Variants in GALNT15 observed in about 807,000 individuals in gnomAD.
The protein encoded by GALNT15 is polypeptide N-acetylgalactosaminyltransferase 15.
In GALNT15, 67 loss-of-function variants were observed where a neutral mutation model predicts 66.8. The observed-to-expected ratio is 1.00, with a 90% CI of 0.82 to 1.23. The LOEUF (loss-of-function observed/expected upper bound fraction) is 1.23. Among genes scored for constraint, GALNT15 ranks in the 50% most tolerant of loss-of-function variants. GALNT15 has a pLI of 0.00. For synonymous variants in GALNT15, 313 were observed against 311.5 expected (o/e 1.00, Z -0.05); for missense variants, 827 against 804.3 (o/e 1.03, Z -0.34).
At chr3:16,234,923 CT>C (rs1203363973), downstream of GALNT15, among the ~76,000 whole-genome samples, 4,647 of 131,096 alleles carry the variant, frequency 0.035, 199 homozygotes, top group African/African-American at 0.12. Context: ...TTATCCCAAT[CT>C]TTTTTTTTTT....
chr3:16,222,692 G>A lies in GALNT15; in HGVS notation c.1707G>A (p.Gln569=). The A allele has an allele frequency of 6.2e-7, 1 of 1,614,264 alleles. No individual in the cohort carries two copies. Among genetic ancestry groups the A allele is most frequent in the Non-Finnish European group, 8.5e-7 (1 of 1,180,044 alleles). ...QHLCFAVRQE[Q]VILQNCTEEG... ...TGTGCTTTGCTGTCAGGCAGGAGCAGGTGATTCTTCAGAACTGCACGGAGG... is the reference window on the plus strand; with the variant it reads ...TGTGCTTTGCTGTCAGGCAGGAGCAAGTGATTCTTCAGAACTGCACGGAGG... Residue 569 remains glutamine, a synonymous_variant, in exon 9 of 10, where the codon CAG becomes CAA. Transcript: ENST00000339732.
Position 16,227,686 on chromosome 3 carries a change from G to T in GALNT15, c.*186G>T. 2 of 1,368,570 alleles carry T rather than the reference G, an allele frequency of 1.5e-6. No individual in the cohort carries two copies. The highest frequency in any genetic ancestry group is 1.9e-6 in the Non-Finnish European group (2 of 1,073,334). 84.8% of individuals were successfully genotyped at this position (1,368,570 alleles called of 1,614,324 possible). On this transcript the variant is annotated 3_prime_UTR_variant, in exon 10 of 10. Coordinates refer to ENST00000339732, the MANE Select transcript of GALNT15 (RefSeq NM_054110.5). This position sits in a 1 kb window ranked among gnomAD's most constrained non-coding sequence, Gnocchi z 4.5. ...TTCACACCTTATTTCATTGACTGCT[G>T]GCTGCTTTAAAAAAAAAAAAAAAGG...
intron 2 of GALNT15, among the ~76,000 whole-genome samples, chr3:16,197,302 C>T (rs2063649088): frequency 1.3e-5 from 2 of 152,170 alleles, no homozygotes; most frequent in South Asian, 4.1e-4. Context: ...TTAAGCTGCC[C>T]CCTCCTGGCC....
chr3:16,231,344 A>G (rs2064080129), downstream of GALNT15, among the ~76,000 whole-genome samples: 2 of 152,170 alleles, frequency 1.3e-5, no homozygotes, highest in Admixed American at 1.3e-4. This position sits in a 1 kb window ranked among gnomAD's most constrained non-coding sequence, Gnocchi z 4.1. Flanking sequence ...AGTCCCTCCA[A>G]TCTCAAATCT....
chr3:16,177,488 G>A (rs1447906609), intron 1 of GALNT15, among the ~76,000 whole-genome samples: 1 of 152,148 alleles, frequency 6.6e-6, no homozygotes, highest in Non-Finnish European at 1.5e-5. Flanking sequence ...AATGGATGTC[G>A]TGCATGTATG....
Position 16,227,752 on chromosome 3 carries a change from T to G in GALNT15, c.*252T>G. ...GTCTTCATCACTGGGAAATGATTAT[T>G]ACATAGTACAGAAGATTCTTTGTTT... is the stretch of plus-strand genomic sequence containing the variant. On this transcript the variant is annotated 3_prime_UTR_variant, in exon 10 of 10. Transcript: ENST00000339732. The surrounding 1 kb of genome is among the most constrained non-coding windows in gnomAD (Gnocchi z 4.5). 1 of 1,320,042 alleles carries G rather than the reference T, an allele frequency of 7.6e-7. No individual in the cohort carries two copies. Among genetic ancestry groups the G allele is most frequent in the South Asian group, 1.7e-5 (1 of 60,500 alleles). 81.8% of individuals were successfully genotyped at this position (1,320,042 alleles called of 1,614,324 possible).
At position 16,229,399 on chromosome 3, in the gene GALNT15, T is replaced by C. The variant is rs2064059030; in HGVS notation, c.*1899T>C. ...ATTTCAAATGCTCACTACCCACCTGTGGCTAGGGTCTACTTCTACTGTATT... is the reference window on the plus strand; with the variant it reads ...ATTTCAAATGCTCACTACCCACCTGCGGCTAGGGTCTACTTCTACTGTATT... On this transcript the variant is annotated 3_prime_UTR_variant, in exon 10 of 10. Transcript: ENST00000339732. The C allele has an allele frequency of 1.2e-6, 1 of 847,260 alleles. No individual in the cohort carries two copies. Among genetic ancestry groups the C allele is most frequent in the Non-Finnish European group, 1.4e-6 (1 of 704,236 alleles). The allele number at this position is 847,260 out of a possible 1,614,324, so 52.5% of individuals were successfully genotyped here. A position where few individuals can be genotyped will look rare whatever the true frequency, so the allele number is the denominator to read the frequency against.
rs1532863 is a variant in GALNT15, at chr3:16,204,962, T to C, written c.912-3541T>C. Among the ~76,000 whole-genome samples the C allele has an allele frequency of 0.44, 66,676 of 152,104 alleles. 15,260 individuals are homozygous for C. The highest frequency in any genetic ancestry group is 0.56 in the East Asian group (2,922 of 5,172). The stretch of plus-strand genomic sequence containing the variant: ...GCGAGCATGTGCGTGCGTGTGTGTG[T>C]GCGCGCGCATGTGCGCGTCAAGGAG... On this transcript the variant is annotated intron_variant, in intron 3 of 9. Coordinates refer to ENST00000339732, the MANE Select transcript of GALNT15 (RefSeq NM_054110.5). This position sits in a 1 kb window ranked among gnomAD's most constrained non-coding sequence, Gnocchi z 4.5.
In GALNT15 at chr3:16,203,543, T is replaced by TCTCTCACACACACACACACACA. The variant is rs1491187404; in HGVS notation, c.911+2721_911+2722insTCTCACACACACACACACACAC. 1.6e-5 allele frequency among the ~76,000 whole-genome samples: 1 copy of TCTCTCACACACACACACACACA among 61,106 alleles called. No individual in the cohort carries two copies. Among genetic ancestry groups the TCTCTCACACACACACACACACA allele is most frequent in the African/African-American group, 5.5e-5 (1 of 18,252 alleles). The allele number at this position is 61,106 out of a possible 152,430, so 40.1% of individuals were successfully genotyped here. ...CATTCTCTCTCTCTCTCTCTCTCTCTCACACACACACACACACACACACAC... is the reference window on the plus strand; with the variant it reads ...CATTCTCTCTCTCTCTCTCTCTCTCTCTCTCACACACACACACACACACACACACACACACACACACACACAC... On this transcript the variant is annotated intron_variant, in intron 3 of 9. Coordinates refer to ENST00000339732, the MANE Select transcript of GALNT15 (RefSeq NM_054110.5). This position sits in a 1 kb window ranked among gnomAD's most constrained non-coding sequence, Gnocchi z 6.2.
intron 4 of GALNT15, 45 bp downstream of exon 4, chr3:16,208,715 T>C: frequency 6.3e-7 from 1 of 1,584,148 alleles, no homozygotes; most frequent in Non-Finnish European, 8.7e-7. Context: ...CTCCTCAGGA[T>C]GGACTCTGCA....
chr3:16,243,648 C>T, the GALNT15 span, among the ~76,000 whole-genome samples: 14 of 152,294 alleles, frequency 9.2e-5, no homozygotes, highest in East Asian at 2.5e-3. Context: ...GAGGTCAGGG[C>T]TTGGGTTAGG....
intron 3 of GALNT15, among the ~76,000 whole-genome samples, chr3:16,202,120 T>C (rs1389216642): frequency 6.6e-6 from 1 of 152,202 alleles, no homozygotes; most frequent in Admixed American, 6.5e-5. Context: ...GGAGTTACCA[T>C]CAGCCAAATG....
the GALNT15 span, among the ~76,000 whole-genome samples, chr3:16,246,558 G>A: frequency 3.2e-4 from 48 of 152,088 alleles, 1 homozygote; most frequent in Admixed American, 2.9e-3. Context: ...TCTTGACCTC[G>A]TGATCTGCCC....
rs1559675046 is a variant in GALNT15, at chr3:16,181,723, G to A, written c.539+6033G>A. Among the ~76,000 whole-genome samples the A allele has an allele frequency of 6.6e-6, 1 of 152,164 alleles. No homozygotes were observed. Among genetic ancestry groups the A allele is most frequent in the Non-Finnish European group, 1.5e-5 (1 of 68,036 alleles). ...CCCTTCGGGATGAGGGACAAGAACA[G>A]GAACAAGCTGGGCTTGAGACCTGGG... is the stretch of plus-strand genomic sequence containing the variant. On this transcript the variant is annotated intron_variant, in intron 1 of 9. Transcript: ENST00000339732. The surrounding 1 kb of genome is among the most constrained non-coding windows in gnomAD (Gnocchi z 5.9).
downstream of GALNT15, among the ~76,000 whole-genome samples, chr3:16,236,306 A>G (rs766764050): frequency 6.6e-6 from 1 of 152,200 alleles, no homozygotes; most frequent in Non-Finnish European, 1.5e-5. Flanking sequence ...AGGGCTAGAT[A>G]GGAAAGTGCT....
chr3:16,247,011 T>C, the GALNT15 span, among the ~76,000 whole-genome samples: 1 of 152,150 alleles, frequency 6.6e-6, no homozygotes, highest in African/African-American at 2.4e-5. Flanking sequence ...TGGCTTTTCA[T>C]ACATAAATAC....
chr3:16,180,757 C>G lies in GALNT15; in HGVS notation c.539+5067C>G, dbSNP rs563571882. On this transcript the variant is annotated intron_variant, in intron 1 of 9. Transcript: ENST00000339732. The surrounding 1 kb of genome is among the most constrained non-coding windows in gnomAD (Gnocchi z 5.0). ...CCCTCATGGCCCCGGCAGTTTGTCCCTAAACATAAATGTCAACTCAGCGGT... is the reference window on the plus strand; with the variant it reads ...CCCTCATGGCCCCGGCAGTTTGTCCGTAAACATAAATGTCAACTCAGCGGT... Among the ~76,000 whole-genome samples, 1 of 152,344 alleles carries G rather than the reference C, an allele frequency of 6.6e-6. No homozygotes were observed. Among genetic ancestry groups the G allele is most frequent in the East Asian group, 1.9e-4 (1 of 5,188 alleles).
chr3:16,182,541 G>C lies in GALNT15; in HGVS notation c.539+6851G>C, dbSNP rs914011092. On this transcript the variant is annotated intron_variant, in intron 1 of 9. Coordinates refer to ENST00000339732, the MANE Select transcript of GALNT15 (RefSeq NM_054110.5). The surrounding 1 kb of genome is among the most constrained non-coding windows in gnomAD (Gnocchi z 6.1). ...GAACTGTCCAGACAAGGTTGAAGGAGGTGGACAGGAGGGAGACCCACGATC... is the reference window on the plus strand; with the variant it reads ...GAACTGTCCAGACAAGGTTGAAGGACGTGGACAGGAGGGAGACCCACGATC... Among the ~76,000 whole-genome samples the C allele has an allele frequency of 2.0e-5, 3 of 152,214 alleles. No individual in the cohort carries two copies. The highest frequency in any genetic ancestry group is 7.2e-5 in the African/African-American group (3 of 41,466).
At chr3:16,221,043 C>T (rs184566141) in intron 8 of GALNT15, among the ~76,000 whole-genome samples, 3 of 152,344 alleles carry the variant, frequency 2.0e-5, no homozygotes, top group African/African-American at 7.2e-5. Flanking sequence ...TGCAGTCAGA[C>T]ATAGCTCGGT....
Sources: gnomAD v4.1 joint callset for allele counts (sites outside exome capture counted in the v4.1 genomes callset) on GRCh38, gnomAD v4.1.1 for gene constraint, Gnocchi (gnomAD v3.1) non-coding constraint, MANE v1.5 for transcripts, NCBI Gene and HGNC (gene_info 2026-07-23, HGNC 2026-07-21) for gene names.